Variants in TCERG1L observed in about 807,000 individuals in gnomAD.
TCERG1L encodes the protein transcription elongation regulator 1 like.
A neutral mutation model predicts 56.3 loss-of-function variants in TCERG1L; 37 were observed. That is an observed-to-expected ratio of 0.66 (90% confidence interval 0.51 to 0.87). TCERG1L has a LOEUF of 0.87. Ranked by LOEUF, TCERG1L falls within the 40% of genes least tolerant of loss-of-function variation. The pLI is 0.00. For synonymous variants in TCERG1L, 324 were observed against 326.3 expected (o/e 0.99, Z 0.08); for missense variants, 799 against 774.2 (o/e 1.03, Z -0.38).
rs1277978365 is a variant in TCERG1L at position 131,092,406 on chromosome 10, TATTG to T, written c.*752_*755del. Reference sequence around the variant, plus strand: ...CATACACACACTGGTTTAAAATATTTATTGATTAAAAAAAATTAAAAATTTTTTA... The same window carrying T: ...CATACACACACTGGTTTAAAATATTTATTAAAAAAAATTAAAAATTTTTTA... On this transcript the variant is annotated 3_prime_UTR_variant, in exon 12 of 12. Transcript: ENST00000368642. 2 of 152,622 alleles carry T rather than the reference TATTG, an allele frequency of 1.3e-5. No individual in the cohort carries two copies. The highest frequency in any genetic ancestry group is 4.8e-5 in the African/African-American group (2 of 41,446). 9.5% of individuals were successfully genotyped at this position (152,622 alleles called of 1,614,324 possible).
chr10:131,283,273 G>A lies in TCERG1L; in HGVS notation c.671-22829C>T, dbSNP rs544984038. Reference sequence around the variant, plus strand: ...TCCATTTCCCAGGAAACCTGTCTTAGGTCTCCCTGAGAACCAGGCAGCAGT... The same window carrying A: ...TCCATTTCCCAGGAAACCTGTCTTAAGTCTCCCTGAGAACCAGGCAGCAGT... On this transcript the variant is annotated intron_variant, in intron 3 of 11. Transcript: ENST00000368642. 2.2e-4 allele frequency among the ~76,000 whole-genome samples: 33 copies of A among 152,294 alleles called. 1 individual carries two copies. In the South Asian group the frequency reaches 6.8e-3, roughly 32 times the overall value.
intron 3 of TCERG1L, among the ~76,000 whole-genome samples, chr10:131,279,324 T>C (rs1846428047): frequency 6.6e-6 from 1 of 152,118 alleles, no homozygotes; most frequent in Non-Finnish European, 1.5e-5. Flanking sequence ...GGCAGGCAGG[T>C]GGGCAGGAGT....
At chr10:131,139,262 T>C (rs955922647) in intron 7 of TCERG1L, among the ~76,000 whole-genome samples, 1 of 152,238 alleles carries the variant, frequency 6.6e-6, no homozygotes, top group Admixed American at 6.5e-5. Flanking sequence ...ACAATCGATA[T>C]GTTTGCAGAA....
chr10:131,217,202 A>T (rs1337964976), intron 4 of TCERG1L, among the ~76,000 whole-genome samples: 2 of 152,000 alleles, frequency 1.3e-5, no homozygotes, highest in East Asian at 3.9e-4. Context: ...TATTCTCGTG[A>T]CAGTGAGTGA....
At chr10:131,209,889 G>T (rs1027706313) in intron 4 of TCERG1L, among the ~76,000 whole-genome samples, 2 of 151,996 alleles carry the variant, frequency 1.3e-5, no homozygotes, top group Non-Finnish European at 2.9e-5. Flanking sequence ...TAATATATCA[G>T]AATCTTGATG....
At chr10:131,114,487 G>A (rs948871073) in intron 9 of TCERG1L, among the ~76,000 whole-genome samples, 1 of 98,274 alleles carries the variant, frequency 1.0e-5, no homozygotes, top group Admixed American at 9.3e-5. Flanking sequence ...CCTTTCTCTC[G>A]GGGTAAACAC....
chr10:131,202,303 C>T (rs748038489), intron 4 of TCERG1L, among the ~76,000 whole-genome samples: 3 of 152,194 alleles, frequency 2.0e-5, no homozygotes, highest in Admixed American at 6.5e-5. Context: ...ACTTTTTCGC[C>T]GGGCGCGGTG....
chr10:131,248,773 G>C (rs2133530139), intron 4 of TCERG1L, among the ~76,000 whole-genome samples: 1 of 152,346 alleles, frequency 6.6e-6, no homozygotes, highest in South Asian at 2.1e-4. Flanking sequence ...GTCTCCGGCA[G>C]AGCTGAGCCC....
At chr10:131,216,153 A>T (rs1589751521) in intron 4 of TCERG1L, among the ~76,000 whole-genome samples, 2 of 152,368 alleles carry the variant, frequency 1.3e-5, no homozygotes, top group East Asian at 3.9e-4. Flanking sequence ...AGGTGTCATC[A>T]GCTAGTCAGT....
At chr10:131,292,227 C>T (rs912929095) in intron 3 of TCERG1L, among the ~76,000 whole-genome samples, 4 of 152,184 alleles carry the variant, frequency 2.6e-5, no homozygotes, top group African/African-American at 9.7e-5. Context: ...ATCTGGTTCA[C>T]CTTCATTCTT....
At chr10:131,098,191 T>C (rs1224352807) in intron 11 of TCERG1L, 115 bp downstream of exon 11, 5 of 1,131,330 alleles carry the variant, frequency 4.4e-6, no homozygotes, top group Non-Finnish European at 6.3e-6. Context: ...GCTCACACTT[T>C]CGTGTCTGTG....
chr10:131,151,654 A>G (rs1240359363), intron 6 of TCERG1L, among the ~76,000 whole-genome samples: 1 of 152,110 alleles, frequency 6.6e-6, no homozygotes, highest in East Asian at 1.9e-4. Context: ...TGGGTTCTGG[A>G]GGACAATGGC....
chr10:131,287,237 A>G (rs527892240), intron 3 of TCERG1L, among the ~76,000 whole-genome samples: 39 of 152,338 alleles, frequency 2.6e-4, no homozygotes, highest in African/African-American at 8.2e-4. Context: ...TTTAGATGCT[A>G]AAGTCCATAG....
chr10:131,239,343 G>A (rs193062300), intron 4 of TCERG1L, among the ~76,000 whole-genome samples: 10 of 152,330 alleles, frequency 6.6e-5, no homozygotes, highest in East Asian at 1.9e-4. Flanking sequence ...GGTTGACAGC[G>A]ATGCCACGAA....
chr10:131,288,500 T>C (rs1228556253), intron 3 of TCERG1L, among the ~76,000 whole-genome samples: 1 of 151,582 alleles, frequency 6.6e-6, no homozygotes, highest in Non-Finnish European at 1.5e-5. Context: ...TGCCGGGAGG[T>C]GGGTGCTACC....
intron 6 of TCERG1L, among the ~76,000 whole-genome samples, chr10:131,160,452 C>T (rs1845965254): frequency 6.6e-6 from 1 of 152,176 alleles, no homozygotes; most frequent in South Asian, 2.1e-4. Context: ...GGCCCTACAC[C>T]CCGCCACTCC....
intron 4 of TCERG1L, among the ~76,000 whole-genome samples, chr10:131,254,086 G>T (rs1236069991): frequency 1.3e-5 from 2 of 152,146 alleles, no homozygotes; most frequent in Non-Finnish European, 2.9e-5. Context: ...TGAGACACCA[G>T]GGGGTGGAGG....
intron 4 of TCERG1L, among the ~76,000 whole-genome samples, chr10:131,216,241 T>C (rs546148423): frequency 1.3e-5 from 2 of 151,240 alleles, no homozygotes; most frequent in African/African-American, 2.4e-5. Flanking sequence ...AGAGAGGAGG[T>C]GGAGAGAGAA....
At chr10:131,098,811 C>T (rs938368132) in intron 10 of TCERG1L, among the ~76,000 whole-genome samples, 11 of 152,214 alleles carry the variant, frequency 7.2e-5, no homozygotes, top group Admixed American at 3.9e-4. Context: ...GCATCTGTAA[C>T]GCGCGGCCTC....
Sources: allele counts gnomAD v4.1 joint callset (sites outside exome capture counted in the v4.1 genomes callset), GRCh38; gene constraint gnomAD v4.1.1; transcripts MANE v1.5; gene names NCBI Gene and HGNC (gene_info 2026-07-23, HGNC 2026-07-21).